SAMM50: variants seen among roughly 807,000 people sequenced by gnomAD.
SAMM50 encodes the protein SAMM50 sorting and assembly machinery component.
SAMM50 carries 47 observed loss-of-function variants against 66.9 expected under a neutral mutation model. That is an observed-to-expected ratio of 0.70 (90% CI 0.56 to 0.90). The LOEUF is 0.90. SAMM50 is among the 40% of genes least tolerant of loss of function. The pLI, the probability that SAMM50 is intolerant of heterozygous loss-of-function variation, is 0.00. For synonymous variants in SAMM50, 191 were observed against 214.1 expected (o/e 0.89, Z 0.94); for missense variants, 535 against 595.3 (o/e 0.90, Z 1.05).
At chr22:43,979,202 C>T (rs904066428) in intron 10 of SAMM50, among the ~76,000 whole-genome samples, 1 of 152,232 alleles carries the variant, frequency 6.6e-6, no homozygotes, top group African/African-American at 2.4e-5. Flanking sequence ...CCCCACCCTG[C>T]TTCTCTCTGG....
At chr22:43,975,328 A>G (rs1272500321) in intron 7 of SAMM50, 2 of 152,324 alleles carry the variant, frequency 1.3e-5, no homozygotes, top group African/African-American at 2.4e-5. Flanking sequence ...CCTGAGGGCT[A>G]GAGAGGGCCC....
intron 8 of SAMM50, 27 bp from the exon 9 acceptor site, chr22:43,976,723 A>T: frequency 6.4e-7 from 1 of 1,569,988 alleles, no homozygotes. Context: ...CTTAAAGTGA[A>T]AATATCCCCA....
chr22:43,984,654 A>G (rs1021199561), intron 12 of SAMM50, among the ~76,000 whole-genome samples: 2 of 149,158 alleles, frequency 1.3e-5, no homozygotes, highest in African/African-American at 5.0e-5. Context: ...TTTGAGACAG[A>G]GTCTCGCTCT....
At position 43,963,395 on chromosome 22, in the gene SAMM50, A is replaced by G. The variant is rs1383335878; in HGVS notation, c.131A>G (p.Asp44Gly). Residue 44 changes from aspartate to glycine, a missense_variant and splice_region_variant, in exon 2 of 15, where the codon GAT becomes GGT. Physicochemically the swap from Asp to Gly is moderately conservative, Grantham distance 94. Transcript: ENST00000350028. ...AAACAGGAAATTCTTGAAAACAAAG[A>G]TGTGAGTTTTCTGTTGAAGGTCTTG... ...EAKQEILENK[D>G]VVVQHVHFDG... is the part of the protein sequence containing the mutation. 1.3e-6 allele frequency: 2 copies of G among 1,595,172 alleles called. No homozygotes were observed. Among genetic ancestry groups the G allele is most frequent in the Non-Finnish European group, 8.6e-7 (1 of 1,164,538 alleles).
chr22:43,987,077 G>A (rs2050298365), intron 12 of SAMM50: 1 of 152,128 alleles, frequency 6.6e-6, no homozygotes, highest in South Asian at 2.1e-4. Context: ...TATGAGAGCT[G>A]AGCCTTTACC....
chr22:43,968,616 C>T (rs947430279), intron 3 of SAMM50, 115 bp from the exon 4 acceptor site: 6 of 734,414 alleles, frequency 8.2e-6, no homozygotes, highest in Non-Finnish European at 1.5e-5. Context: ...GCTCTCTGCT[C>T]AGTGATCTGA....
chr22:43,973,036 C>G lies in SAMM50; in HGVS notation c.560+35C>G, dbSNP rs372760883. 1.9e-6 allele frequency: 3 copies of G among 1,575,048 alleles called. No individual in the cohort carries two copies. In the East Asian group the frequency reaches 6.7e-5, roughly 35 times the overall value. On this transcript the variant is annotated intron_variant, in intron 6 of 14. Transcript: ENST00000350028. Reference sequence around the variant, plus strand: ...CCAACAGATCATTGAGTACACTGGCCTGATAGAAAAGTTAAAATAGGTGGC... The same window carrying G: ...CCAACAGATCATTGAGTACACTGGCGTGATAGAAAAGTTAAAATAGGTGGC...
chr22:43,964,601 A>G, intron 3 of SAMM50, 48 bp downstream of exon 3: 1 of 1,021,598 alleles, frequency 9.8e-7, no homozygotes, highest in South Asian at 1.3e-5. Context: ...CTTCTGAAGA[A>G]CTCGTAAATG....
intron 1 of SAMM50, chr22:43,956,916 AG>A (rs2050122421): frequency 2.1e-6 from 1 of 485,034 alleles, no homozygotes; most frequent in African/African-American, 2.0e-5. Flanking sequence ...GGATGCAAAT[AG>A]TATCTGTGAC....
Position 43,996,491 on chromosome 22 carries a change from C to T in SAMM50, c.*108C>T. 2 of 1,023,802 alleles carry T rather than the reference C, an allele frequency of 2.0e-6. No homozygotes were observed. The highest frequency in any genetic ancestry group is 1.6e-5 in the African/African-American group (1 of 63,066). The allele number at this position is 1,023,802 out of a possible 1,614,324, so 63.4% of individuals were successfully genotyped here. ...TTCAGCGATTCTTTGACTGCGGACC[C>T]TGTGGGAAACCCCGTCAATAAATGT... On this transcript the variant is annotated 3_prime_UTR_variant, in exon 15 of 15. Coordinates refer to ENST00000350028, the MANE Select transcript of SAMM50 (RefSeq NM_015380.5).
chr22:43,958,743 C>T (rs58794034), intron 1 of SAMM50, among the ~76,000 whole-genome samples: 4,166 of 152,136 alleles, frequency 0.027, 199 homozygotes, highest in African/African-American at 0.094. Flanking sequence ...TCCCAAAGTG[C>T]GGGGATTACA....
chr22:43,978,972 C>T (rs1484741842), intron 10 of SAMM50, among the ~76,000 whole-genome samples: 2 of 152,210 alleles, frequency 1.3e-5, no homozygotes, highest in East Asian at 3.8e-4. Context: ...TCCTGCCTTC[C>T]TCTGCCCCTG....
intron 1 of SAMM50, chr22:43,957,412 T>G (rs1603418359): frequency 2.7e-6 from 1 of 364,950 alleles, no homozygotes; most frequent in East Asian, 6.3e-5. Flanking sequence ...GCAACTTGAT[T>G]AATGGTTAAT....
At chr22:43,956,001 T>C (rs542775349) in intron 1 of SAMM50, among the ~76,000 whole-genome samples, 2 of 152,220 alleles carry the variant, frequency 1.3e-5, no homozygotes, top group Non-Finnish European at 2.9e-5. Context: ...AAGAATCCTT[T>C]GAAGTCTTCT....
intron 1 of SAMM50, chr22:43,957,216 C>A: frequency 3.0e-6 from 2 of 675,710 alleles, no homozygotes; most frequent in African/African-American, 1.8e-5. Context: ...CAAACAAAGC[C>A]AGAGTAATCT....
At chr22:43,994,505 C>A (rs1290863910) in intron 14 of SAMM50, among the ~76,000 whole-genome samples, 5 of 152,262 alleles carry the variant, frequency 3.3e-5, no homozygotes, top group Middle Eastern at 3.4e-3. Context: ...GTTGGCATGA[C>A]CTTCCTAAAG....
At chr22:43,992,990 T>G (rs2050333269) in intron 14 of SAMM50, among the ~76,000 whole-genome samples, 2 of 152,252 alleles carry the variant, frequency 1.3e-5, no homozygotes, top group African/African-American at 4.8e-5. Flanking sequence ...GCCGTTACTG[T>G]CTTCAGCAGA....
chr22:43,958,737 A>G (rs2050132941), intron 1 of SAMM50, among the ~76,000 whole-genome samples: 1 of 152,108 alleles, frequency 6.6e-6, no homozygotes, highest in Non-Finnish European at 1.5e-5. Flanking sequence ...TCAGCCTCCC[A>G]AAGTGCGGGG....
At chr22:43,959,297 G>A (rs1164425448) in intron 1 of SAMM50, among the ~76,000 whole-genome samples, 2 of 151,958 alleles carry the variant, frequency 1.3e-5, no homozygotes, top group African/African-American at 4.8e-5. Flanking sequence ...GGGATTACAG[G>A]TGTGAGCCAC....
Sources: gnomAD v4.1 joint callset for allele counts (sites outside exome capture counted in the v4.1 genomes callset) on GRCh38, gnomAD v4.1.1 for gene constraint, MANE v1.5 for transcripts, NCBI Gene and HGNC (gene_info 2026-07-23, HGNC 2026-07-21) for gene names.